Variants in MMRN1 observed in about 807,000 individuals in gnomAD.
The protein encoded by MMRN1 is multimerin 1.
MMRN1 carries 94 observed loss-of-function variants against 100.7 expected under a neutral mutation model. The ratio of observed to expected loss-of-function variants is 0.93; its 90% CI spans 0.79 to 1.11. MMRN1 has a LOEUF of 1.11. Ranked by LOEUF, MMRN1 falls within the 50% of genes least tolerant of loss-of-function variation. The probability of loss-of-function intolerance (pLI) is 0.00; values close to 1 mark genes in which losing one functional copy is unlikely to be tolerated. For synonymous variants in MMRN1, 575 were observed against 505.0 expected (o/e 1.14, Z -1.86); for missense variants, 1,606 against 1,439.1 (o/e 1.12, Z -1.88).
chr4:89,941,718 G>A (rs1722829970), intron 6 of MMRN1, among the ~76,000 whole-genome samples: 2 of 152,028 alleles, frequency 1.3e-5, no homozygotes, highest in African/African-American at 2.4e-5. Context: ...TTTCCAAGTA[G>A]GCCTTTCTAA....
Position 89,935,976 on chromosome 4 carries a change from AC to A in MMRN1, c.2298del (p.Ser767ProfsTer7). ...TAATAGTGAGATCCATCATAAATGT[AC>A]CTCCGATATGGAAACTATTTTGACA... ...KDNSEIHHKC[T>X]SDMETILTFI... is the part of the protein sequence containing the mutation. On this transcript the variant is annotated frameshift_variant, in exon 6 of 8. Coordinates refer to ENST00000264790, the MANE Select transcript of MMRN1 (RefSeq NM_007351.3). LOFTEE classifies it high-confidence loss of function. The A allele has an allele frequency of 6.2e-7, 1 of 1,612,656 alleles. No homozygotes were observed.
At position 89,934,836 on chromosome 4, in the gene MMRN1, C is replaced by G. The variant is rs1205962208; in HGVS notation, c.1156C>G (p.Leu386Val). 1 of 1,537,378 alleles carries G rather than the reference C, an allele frequency of 6.5e-7. No homozygotes were observed. Among genetic ancestry groups the G allele is most frequent in the Non-Finnish European group, 8.7e-7 (1 of 1,143,420 alleles). The change falls in exon 6 of 8, where the codon CTG becomes GTG. Residue 386 changes from leucine (L) to valine (V), a missense_variant. By Grantham distance (32) the Leu-to-Val change is conservative. Transcript: ENST00000264790. ...KGLKSKSINV[L>V]IRDIVREQFK... Reference sequence around the variant, plus strand: ...TCTAAAATCCAAAAGCATTAATGTACTGATAAGAGACATAGTAAGAGAACA... The same window carrying G: ...TCTAAAATCCAAAAGCATTAATGTAGTGATAAGAGACATAGTAAGAGAACA...
chr4:89,902,382 GTTATA>G (rs1218911345), intron 1 of MMRN1, among the ~76,000 whole-genome samples: 1 of 151,524 alleles, frequency 6.6e-6, no homozygotes, highest in Non-Finnish European at 1.5e-5. Flanking sequence ...TATGGAAAAG[GTTATA>G]TTAAAGGTTG....
rs1366874220 is a variant in MMRN1 at position 89,923,035 on chromosome 4, T to C, written c.851-133T>C. 6 of 710,292 alleles carry C rather than the reference T, an allele frequency of 8.4e-6. No individual in the cohort carries two copies. In the African/African-American group the frequency reaches 8.9e-5, roughly 11 times the overall value. The allele number at this position is 710,292 out of a possible 1,614,324, so 44.0% of individuals were successfully genotyped here. A position where few individuals can be genotyped will look rare whatever the true frequency, so the allele number is the denominator to read the frequency against. On this transcript the variant is annotated intron_variant, in intron 3 of 7. Transcript: ENST00000264790. Reference sequence around the variant, plus strand: ...TATGGTTGGGGGCGGAGCAGCTTACTCTGCAATCATCCCCGACCATCATGC... The same window carrying C: ...TATGGTTGGGGGCGGAGCAGCTTACCCTGCAATCATCCCCGACCATCATGC...
At chr4:89,925,705 C>T (rs1722234887) in intron 4 of MMRN1, among the ~76,000 whole-genome samples, 1 of 151,950 alleles carries the variant, frequency 6.6e-6, no homozygotes, top group South Asian at 2.1e-4. Flanking sequence ...TGGCATGCAC[C>T]TGTAGTCCCA....
intron 1 of MMRN1, among the ~76,000 whole-genome samples, chr4:89,899,567 G>A (rs1405157857): frequency 2.0e-5 from 3 of 152,086 alleles, no homozygotes; most frequent in Non-Finnish European, 4.4e-5. Context: ...TACCAATTGT[G>A]AATGGGGTCA....
rs904683690 is a variant in MMRN1 at position 89,909,310 on chromosome 4, C to A, written c.658C>A (p.Pro220Thr). 5 of 1,609,680 alleles carry A rather than the reference C, an allele frequency of 3.1e-6. No homozygotes were observed. In the Admixed American group the frequency reaches 8.4e-5, roughly 27 times the overall value. ...WCAYVHTRLS[P>T]TVILDNQVTY... ...TGCTTATGTACATACCAGGTTATCTCCCACAGTGATATTGGACAACCAGGT... is the reference window on the plus strand; with the variant it reads ...TGCTTATGTACATACCAGGTTATCTACCACAGTGATATTGGACAACCAGGT... Residue 220 changes from proline to threonine, a missense_variant, in exon 2 of 8, where the codon CCC (proline) becomes ACC (threonine). By Grantham distance (38) the Pro-to-Thr change is conservative. Coordinates refer to ENST00000264790, the MANE Select transcript of MMRN1 (RefSeq NM_007351.3).
upstream of MMRN1, among the ~76,000 whole-genome samples, chr4:89,893,280 G>A (rs1721095660): frequency 1.3e-5 from 2 of 152,114 alleles, no homozygotes; most frequent in Admixed American, 6.5e-5. Flanking sequence ...GTCGATTGGG[G>A]TTGCTGATGA....
chr4:89,929,409 A>T (rs1722366872), intron 5 of MMRN1, among the ~76,000 whole-genome samples: 1 of 152,038 alleles, frequency 6.6e-6, no homozygotes, highest in African/African-American at 2.4e-5. Flanking sequence ...TAAAAGAAAG[A>T]CCCTGTCCTA....
intron 3 of MMRN1, among the ~76,000 whole-genome samples, chr4:89,916,364 G>GAA (rs33949270): frequency 3.6e-5 from 5 of 138,396 alleles, no homozygotes; most frequent in African/African-American, 8.4e-5. Context: ...CTTAGATTCT[G>GAA]AAAAAAAAAA....
chr4:89,880,212 C>T (rs1362471074), intron 1 of MMRN1, among the ~76,000 whole-genome samples: 1 of 152,110 alleles, frequency 6.6e-6, no homozygotes, highest in Non-Finnish European at 1.5e-5. Context: ...TGAGTTTAAG[C>T]CCTAAAGTAA....
chr4:89,914,736 A>G (rs1721860138), intron 3 of MMRN1, among the ~76,000 whole-genome samples: 1 of 151,562 alleles, frequency 6.6e-6, no homozygotes, highest in Non-Finnish European at 1.5e-5. Context: ...TCAAAAAGTC[A>G]GCAGTAACAT....
In MMRN1 at chr4:89,935,719, A is replaced by G. The variant is rs763943890; in HGVS notation, c.2039A>G (p.Asn680Ser). 1 of 1,611,836 alleles carries G rather than the reference A, an allele frequency of 6.2e-7. No homozygotes were observed. Among genetic ancestry groups the G allele is most frequent in the Admixed American group, 1.7e-5 (1 of 59,712 alleles). The stretch of plus-strand genomic sequence containing the variant: ...ATAGTGATAAGGAAAAAGATAGAAA[A>G]TCTGACTAGTGCTGTCAATAGTCTA... ...EAIVIRKKIENLTSAVNSLNF... is the reference protein window; with the variant it reads ...EAIVIRKKIESLTSAVNSLNF... Residue 680 changes from asparagine (N) to serine (S), a missense_variant, in exon 6 of 8, where the codon AAT becomes AGT. Coordinates refer to ENST00000264790, the MANE Select transcript of MMRN1 (RefSeq NM_007351.3).
chr4:89,904,247 G>T (rs769341611), intron 1 of MMRN1, among the ~76,000 whole-genome samples: 69 of 151,344 alleles, frequency 4.6e-4, no homozygotes, highest in Non-Finnish European at 8.7e-4. Flanking sequence ...ATTTTTTTCA[G>T]TATGTATGTA....
Position 89,895,409 on chromosome 4 carries a change from C to A in MMRN1, c.438C>A (p.Ala146=), listed in dbSNP as rs774840345. 15 of 1,613,702 alleles carry A rather than the reference C, an allele frequency of 9.3e-6. No homozygotes were observed. Among genetic ancestry groups the A allele is most frequent in the African/African-American group, 1.3e-5 (1 of 74,850 alleles). ...NSTLKFLQSF[A]RKSNEQATSL... Reference sequence around the variant, plus strand: ...CACTGAAATTTCTTCAGAGCTTTGCCAGAAAGTCAAATGAACAAGCAACTT... The same window carrying A: ...CACTGAAATTTCTTCAGAGCTTTGCAAGAAAGTCAAATGAACAAGCAACTT... Residue 146 remains alanine, a synonymous_variant, in exon 1 of 8, where the codon GCC becomes GCA. Transcript: ENST00000264790.
Position 89,923,176 on chromosome 4 carries a change from C to CTAGTTTGT in MMRN1, c.859_860insTAGTTTGT (p.Gln287LeufsTer7), listed in dbSNP as rs1272399071. On this transcript the variant is annotated frameshift_variant, in exon 4 of 8. Transcript: ENST00000264790. LOFTEE classifies it high-confidence loss of function. ...TTTCTGCTTCCTTCTAGCCCAGGAA[C>CTAGTTTGT]AGCAAAGTTTGATACACACCAACCA... 1 of 1,613,794 alleles carries CTAGTTTGT rather than the reference C, an allele frequency of 6.2e-7. No individual in the cohort carries two copies. Among genetic ancestry groups the CTAGTTTGT allele is most frequent in the East Asian group, 2.2e-5 (1 of 44,854 alleles).
At chr4:89,898,627 G>T (rs934540000) in intron 1 of MMRN1, among the ~76,000 whole-genome samples, 2 of 150,628 alleles carry the variant, frequency 1.3e-5, no homozygotes, top group South Asian at 2.1e-4. Flanking sequence ...CTCATCTTCC[G>T]CCACTTCCGG....
intron 6 of MMRN1, among the ~76,000 whole-genome samples, chr4:89,944,990 T>G (rs1722944594): frequency 6.6e-6 from 1 of 152,150 alleles, no homozygotes; most frequent in Non-Finnish European, 1.5e-5. Flanking sequence ...ACCCCAAATT[T>G]CCTCATGCAC....
At chr4:89,906,129 G>GT (rs1186030034) in intron 1 of MMRN1, among the ~76,000 whole-genome samples, 1 of 151,484 alleles carries the variant, frequency 6.6e-6, no homozygotes, top group Non-Finnish European at 1.5e-5. Flanking sequence ...ATTAATGGAA[G>GT]TTTTTTACAT....
Sources: gnomAD v4.1 joint callset for allele counts (sites outside exome capture counted in the v4.1 genomes callset) on GRCh38, gnomAD v4.1.1 for gene constraint, MANE v1.5 for transcripts, NCBI Gene and HGNC (gene_info 2026-07-23, HGNC 2026-07-21) for gene names.